The following HS6ST3 variants were observed in gnomAD, a reference collection of about 807,000 sequenced individuals.
The protein encoded by HS6ST3 is heparan sulfate 6-O-sulfotransferase 3.
In HS6ST3, 12 loss-of-function variants were observed where a neutral mutation model predicts 36.7. The observed-to-expected ratio is 0.33, with a 90% CI of 0.21 to 0.53. The LOEUF is 0.53. Ranked by LOEUF, HS6ST3 falls within the 20% of genes least tolerant of loss-of-function variation. The probability of loss-of-function intolerance (pLI) is 0.95; values close to 1 mark genes in which losing one functional copy is unlikely to be tolerated. For synonymous variants in HS6ST3, 240 were observed against 257.5 expected, an observed-to-expected ratio of 0.93 and a Z score of 0.65; for missense variants, 584 against 640.9, an observed-to-expected ratio of 0.91 and a Z score of 0.96.
intron 1 of HS6ST3, among the ~76,000 whole-genome samples, chr13:96,212,798 T>C (rs1536576): frequency 0.052 from 7,972 of 152,234 alleles, 371 homozygotes; most frequent in African/African-American, 0.13. Flanking sequence ...GTGATATGGG[T>C]TTGCTGCTTC....
chr13:96,276,873 G>A (rs138585121), intron 1 of HS6ST3, among the ~76,000 whole-genome samples: 1 of 152,260 alleles, frequency 6.6e-6, no homozygotes, highest in East Asian at 1.9e-4. Context: ...CCATGTATTA[G>A]TTTGCTTTGG....
chr13:96,366,448 C>CAAATAAATAAATAAAT lies in HS6ST3; in HGVS notation c.707+274891_707+274906dup, dbSNP rs3086049. 5.0e-3 allele frequency among the ~76,000 whole-genome samples: 739 copies of CAAATAAATAAATAAAT among 148,632 alleles called. 5 individuals carry two copies. The highest frequency in any genetic ancestry group is 0.014 in the African/African-American group (581 of 40,126). ...TGGGTGACATAGCAAGACCTTGTCT[C>CAAATAAATAAATAAAT]AAATAAATAAATAAATAAATAAATA... is the stretch of plus-strand genomic sequence containing the variant. On this transcript the variant is annotated intron_variant, in intron 1 of 1. Transcript: ENST00000376705.
At chr13:96,289,096 A>G (rs1304536305) in intron 1 of HS6ST3, among the ~76,000 whole-genome samples, 1 of 152,064 alleles carries the variant, frequency 6.6e-6, no homozygotes, top group Non-Finnish European at 1.5e-5. Flanking sequence ...TTTAACAAGA[A>G]AGCCACAGAA....
At chr13:96,562,887 C>A (rs1435160996) in intron 1 of HS6ST3, among the ~76,000 whole-genome samples, 1 of 151,762 alleles carries the variant, frequency 6.6e-6, no homozygotes, top group African/African-American at 2.4e-5. Flanking sequence ...TTGTGGCTCA[C>A]AGAAGGTCAG....
chr13:96,179,509 G>A (rs550013199), intron 1 of HS6ST3, among the ~76,000 whole-genome samples: 1 of 152,244 alleles, frequency 6.6e-6, no homozygotes, highest in Admixed American at 6.5e-5. Flanking sequence ...TGGAATCTAC[G>A]AAGCTCTGTG....
intron 1 of HS6ST3, among the ~76,000 whole-genome samples, chr13:96,329,711 A>C (rs1206798561): frequency 4.3e-5 from 5 of 116,792 alleles, no homozygotes; most frequent in African/African-American, 1.8e-4. Context: ...CTTGGTGCAG[A>C]GCTGAGTTCA....
intron 1 of HS6ST3, among the ~76,000 whole-genome samples, chr13:96,667,133 A>T (rs1418633009): frequency 6.6e-6 from 1 of 152,208 alleles, no homozygotes; most frequent in East Asian, 1.9e-4. Flanking sequence ...ATATTTTGCT[A>T]ATGCAAAATT....
chr13:96,739,251 G>A, intron 1 of HS6ST3, among the ~76,000 whole-genome samples: 1 of 150,886 alleles, frequency 6.6e-6, no homozygotes, highest in Non-Finnish European at 1.5e-5. Context: ...GTGTGTGTGT[G>A]TGTGTGTGTG....
chr13:96,774,019 G>T (rs1168116127), intron 1 of HS6ST3, among the ~76,000 whole-genome samples: 1 of 152,174 alleles, frequency 6.6e-6, no homozygotes, highest in Non-Finnish European at 1.5e-5. Context: ...GCTTCCTCTG[G>T]TGATACCCAG....
At chr13:96,680,627 G>A (rs1225304950) in intron 1 of HS6ST3, among the ~76,000 whole-genome samples, 2 of 152,134 alleles carry the variant, frequency 1.3e-5, no homozygotes, top group East Asian at 1.9e-4. Context: ...CTCCTAAGAG[G>A]TTAGATCACA....
intron 1 of HS6ST3, among the ~76,000 whole-genome samples, chr13:96,832,108 G>T (rs1878810894): frequency 6.6e-6 from 1 of 152,048 alleles, no homozygotes; most frequent in Non-Finnish European, 1.5e-5. Flanking sequence ...TTGCTGTAAG[G>T]ATCAAATGAA....
chr13:96,535,391 C>T (rs1459811322), intron 1 of HS6ST3, among the ~76,000 whole-genome samples: 1 of 151,618 alleles, frequency 6.6e-6, no homozygotes, highest in African/African-American at 2.4e-5. Flanking sequence ...CCTGTCTCTA[C>T]TAAAAAAATA....
chr13:96,519,471 T>C (rs995481946), intron 1 of HS6ST3, among the ~76,000 whole-genome samples: 1 of 152,146 alleles, frequency 6.6e-6, no homozygotes, highest in Non-Finnish European at 1.5e-5. Flanking sequence ...GAGGAACAAA[T>C]GGATGGGTGT....
At chr13:96,397,793 A>G (rs1017214668) in intron 1 of HS6ST3, among the ~76,000 whole-genome samples, 97 of 152,362 alleles carry the variant, frequency 6.4e-4, no homozygotes, top group Non-Finnish European at 1.2e-3. Context: ...TGGCTTAGTA[A>G]GCACTTACAG....
intron 1 of HS6ST3, among the ~76,000 whole-genome samples, chr13:96,189,174 T>G (rs1375079423): frequency 1.3e-5 from 2 of 152,164 alleles, no homozygotes; most frequent in African/African-American, 4.8e-5. Context: ...ATTATTATTT[T>G]AATTTTAATG....
At chr13:96,573,214 T>C (rs1039173530) in intron 1 of HS6ST3, among the ~76,000 whole-genome samples, 6 of 152,244 alleles carry the variant, frequency 3.9e-5, no homozygotes, top group Non-Finnish European at 8.8e-5. Flanking sequence ...TTCTTATTTC[T>C]ATTTCCTGTG....
chr13:96,147,777 A>AAATGAATG (rs373348066), intron 1 of HS6ST3, among the ~76,000 whole-genome samples: 30 of 152,272 alleles, frequency 2.0e-4, no homozygotes, highest in Middle Eastern at 6.8e-3. Context: ...ACAATTTGGA[A>AAATGAATG]AATGAATGAA....
At chr13:96,798,763 G>A (rs1285471414) in intron 1 of HS6ST3, among the ~76,000 whole-genome samples, 5 of 151,974 alleles carry the variant, frequency 3.3e-5, no homozygotes, top group Admixed American at 2.0e-4. Context: ...ATCTGCTAGG[G>A]TTGCCATAAC....
chr13:96,546,067 G>C (rs1369660484), intron 1 of HS6ST3, among the ~76,000 whole-genome samples: 2 of 152,122 alleles, frequency 1.3e-5, no homozygotes, highest in African/African-American at 4.8e-5. Flanking sequence ...TGGTCTCTGA[G>C]TTTATTATTC....
Sources: allele counts gnomAD v4.1 joint callset (sites outside exome capture counted in the v4.1 genomes callset), GRCh38; gene constraint gnomAD v4.1.1; transcripts MANE v1.5; gene names NCBI Gene and HGNC (gene_info 2026-07-23, HGNC 2026-07-21).